The following ACSM3 variants were observed in gnomAD, a reference collection of about 807,000 sequenced individuals.
The protein encoded by ACSM3 is acyl-coenzyme A synthetase ACSM3, mitochondrial.
In ACSM3, 61 loss-of-function variants were observed where a neutral mutation model predicts 74.1. The observed-to-expected ratio is 0.82, with a 90% CI of 0.67 to 1.02. ACSM3 has a LOEUF of 1.02. Ranked by LOEUF, ACSM3 falls within the 50% of genes least tolerant of loss-of-function variation. ACSM3 has a pLI of 0.00. For synonymous variants in ACSM3, 213 were observed against 241.5 expected (o/e 0.88, Z 1.09); for missense variants, 660 against 697.0 (o/e 0.95, Z 0.60).
In ACSM3 at chr16:20,775,843, G is replaced by A; in HGVS notation, c.224G>A (p.Gly75Glu). ...LDQWTDKEKA[G>E]KKPSNPAFWW... is the part of the protein sequence containing the mutation. ...GACTGGTTTTTCTTTCCTCAGGCTGGAAAGAAACCTTCAAATCCAGCCTTC... is the reference window on the plus strand; with the variant it reads ...GACTGGTTTTTCTTTCCTCAGGCTGAAAAGAAACCTTCAAATCCAGCCTTC... Residue 75 changes from glycine (G) to glutamate (E), a missense_variant, in exon 3 of 14, where the codon GGA (glycine) becomes GAA (glutamate). Coordinates refer to ENST00000289416, the MANE Select transcript of ACSM3 (RefSeq NM_005622.4). 1 of 1,614,168 alleles carries A rather than the reference G, an allele frequency of 6.2e-7. No individual in the cohort carries two copies. Among genetic ancestry groups the A allele is most frequent in the African/African-American group, 1.3e-5 (1 of 75,028 alleles).
Position 20,777,594 on chromosome 16 carries a change from C to T in ACSM3, c.638+14C>T, listed in dbSNP as rs2080271446. 8 of 1,605,256 alleles carry T rather than the reference C, an allele frequency of 5.0e-6. No individual in the cohort carries two copies. Among genetic ancestry groups the T allele is most frequent in the Non-Finnish European group, 4.3e-6 (5 of 1,172,708 alleles). ...GGAGTTGATGAAGTGAGTAGCCACA[C>T]TTGTTGTAAAACAGCTTCCCAAAAG... On this transcript the variant is annotated intron_variant, in intron 4 of 13. Coordinates refer to ENST00000289416, the MANE Select transcript of ACSM3 (RefSeq NM_005622.4).
intron 10 of ACSM3, among the ~76,000 whole-genome samples, chr16:20,791,311 G>C (rs976721223): frequency 3.0e-4 from 45 of 152,256 alleles, no homozygotes; most frequent in African/African-American, 1.0e-3. Flanking sequence ...AAACAAACCT[G>C]TCTGCTCTTT....
At chr16:20,727,691 G>A (rs1567325801) in intron 1 of ACSM3, among the ~76,000 whole-genome samples, 1 of 152,294 alleles carries the variant, frequency 6.6e-6, no homozygotes, top group East Asian at 1.9e-4. Context: ...CCTCATGCAG[G>A]AGAAATCTCA....
chr16:20,736,634 T>A (rs1028460778), intron 1 of ACSM3: 14 of 442,870 alleles, frequency 3.2e-5, no homozygotes, highest in African/African-American at 1.8e-4. Flanking sequence ...GAGGCCAACA[T>A]CCCCCTCCTA....
chr16:20,787,249 C>T (rs572306516), intron 9 of ACSM3, among the ~76,000 whole-genome samples: 1 of 152,326 alleles, frequency 6.6e-6, no homozygotes, highest in African/African-American at 2.4e-5. Context: ...TGACTGGGAG[C>T]TGTGACTTAC....
intron 1 of ACSM3, chr16:20,727,207 A>G (rs554145434): frequency 2.8e-6 from 1 of 363,074 alleles, no homozygotes; most frequent in African/African-American, 2.2e-5. Context: ...GGTGTTCAAC[A>G]AGTTTTTGTT....
intron 1 of ACSM3, chr16:20,741,464 G>C: frequency 2.0e-6 from 3 of 1,472,990 alleles, no homozygotes; most frequent in Non-Finnish European, 2.7e-6. Context: ...CCCTCCTCCC[G>C]CAAGGCCTGG....
In ACSM3 at chr16:20,796,755, T is replaced by C. The variant is rs1211228979; in HGVS notation, c.1675-131T>C. On this transcript the variant is annotated intron_variant, in intron 13 of 13. Coordinates refer to ENST00000289416, the MANE Select transcript of ACSM3 (RefSeq NM_005622.4). ...ACAATACCCTTTTCCCTATTTTGGC[T>C]GTTACCCAAAACCCATTCCAAAGAC... The C allele has an allele frequency of 2.0e-6, 3 of 1,515,534 alleles. No homozygotes were observed. In the African/African-American group the frequency reaches 4.2e-5, roughly 21 times the overall value. 93.9% of individuals were successfully genotyped at this position (1,515,534 alleles called of 1,614,324 possible).
intron 1 of ACSM3, among the ~76,000 whole-genome samples, chr16:20,767,516 CA>C (rs772094919): frequency 0.012 from 53 of 4,490 alleles, no homozygotes; most frequent in African/African-American, 0.062. Context: ...GACTCCGTCT[CA>C]AAAAAAAAAA....
At chr16:20,732,879 T>A in intron 1 of ACSM3, 1 of 158,370 alleles carries the variant, frequency 6.3e-6, no homozygotes. Context: ...CGGAATCAAA[T>A]GTCTCATAAC....
At chr16:20,782,977 G>T (rs1216583661) in intron 7 of ACSM3, among the ~76,000 whole-genome samples, 1 of 152,162 alleles carries the variant, frequency 6.6e-6, no homozygotes, top group Non-Finnish European at 1.5e-5. Flanking sequence ...TCATACTTCA[G>T]GGATTTTTTT....
intron 7 of ACSM3, among the ~76,000 whole-genome samples, chr16:20,784,115 C>G (rs1180896436): frequency 6.6e-6 from 1 of 152,118 alleles, no homozygotes; most frequent in African/African-American, 2.4e-5. Flanking sequence ...CTTTCCTTCT[C>G]TATTATAAAC....
intron 1 of ACSM3, chr16:20,741,506 T>C (rs556024282): frequency 3.1e-6 from 1 of 327,714 alleles, no homozygotes; most frequent in Non-Finnish European, 5.6e-6. Context: ...CCGGGACCGG[T>C]ACCTTTTCTG....
chr16:20,761,127 CTCTG>C (rs2080073460), upstream of ACSM3, among the ~76,000 whole-genome samples: 1 of 151,922 alleles, frequency 6.6e-6, no homozygotes, highest in Non-Finnish European at 1.5e-5. Flanking sequence ...CGGAGTCTCA[CTCTG>C]TCGCCCAGGC....
intron 11 of ACSM3, 22 bp downstream of exon 11, chr16:20,792,151 G>T: frequency 1.2e-6 from 2 of 1,614,068 alleles, no homozygotes; most frequent in Non-Finnish European, 8.5e-7. Context: ...TTCCATATGT[G>T]CATATGTCTG....
At position 20,796,947 on chromosome 16, in the gene ACSM3, GGAA is replaced by G. The variant is rs755108269; in HGVS notation, c.1740_1742del (p.Lys581del). ...GGGAAGACAAAAAGAAATGAACTGA[GGAA>G]GAAAGAATGGAAGACAATTTAAAGT... On this transcript the variant is annotated inframe_deletion, in exon 14 of 14. Coordinates refer to ENST00000289416, the MANE Select transcript of ACSM3 (RefSeq NM_005622.4). 4.3e-5 allele frequency: 69 copies of G among 1,612,300 alleles called. No homozygotes were observed. The East Asian group carries it at 1.5e-3, about 36-fold the overall frequency.
chr16:20,790,785 G>A lies in ACSM3; in HGVS notation c.1326+97G>A, dbSNP rs1375091260. ...CAAAACATACCTAGGATAGGTACTT[G>A]ACCCTTTCTTGAGAGATTGGTTGTC... On this transcript the variant is annotated intron_variant, in intron 10 of 13. Coordinates refer to ENST00000289416, the MANE Select transcript of ACSM3 (RefSeq NM_005622.4). The surrounding 1 kb of genome is among the most constrained non-coding windows in gnomAD (Gnocchi z 4.0). 6.2e-7 allele frequency: 1 copy of A among 1,613,104 alleles called. No individual in the cohort carries two copies. Among genetic ancestry groups the A allele is most frequent in the African/African-American group, 1.3e-5 (1 of 74,854 alleles).
At position 20,701,341 on chromosome 16, in the gene ACSM3, C is replaced by T. The variant is rs192302956; in HGVS notation, c.-190+26519C>T. On this transcript the variant is annotated intron_variant, in intron 1 of 3. Transcript: ENST00000561584. The stretch of plus-strand genomic sequence containing the variant: ...TGTTCAACCATGCCGTATAAATTGA[C>T]CAATGACTTCCCCACTCATCTCAGA... Among the ~76,000 whole-genome samples, 49 of 152,194 alleles carry T rather than the reference C, an allele frequency of 3.2e-4. No individual in the cohort carries two copies. In the East Asian group the frequency reaches 5.0e-3, roughly 16 times the overall value.
At position 20,796,963 on chromosome 16, in the gene ACSM3, G is replaced by A. The variant is rs766624805; in HGVS notation, c.1752G>A (p.Lys584=). 2 of 1,612,168 alleles carry A rather than the reference G, an allele frequency of 1.2e-6. No individual in the cohort carries two copies. The highest frequency in any genetic ancestry group is 2.7e-5 in the African/African-American group (2 of 74,946). Residue 584 remains lysine, a synonymous_variant, in exon 14 of 14, where the codon AAG becomes AAA. Coordinates refer to ENST00000289416, the MANE Select transcript of ACSM3 (RefSeq NM_005622.4). ...ATGAACTGAGGAAGAAAGAATGGAA[G>A]ACAATTTAAAGTTGTTTCATTAATT... ...KRNELRKKEW[K]TI
Sources: allele counts gnomAD v4.1 joint callset (sites outside exome capture counted in the v4.1 genomes callset), GRCh38; gene constraint gnomAD v4.1.1; non-coding constraint Gnocchi (gnomAD v3.1); transcripts MANE v1.5; gene names NCBI Gene and HGNC (gene_info 2026-07-23, HGNC 2026-07-21).